Variants in ANKRD36 observed in about 807,000 individuals in gnomAD.
ANKRD36 encodes ankyrin repeat domain 36, also known as ankyrin repeat domain-containing protein 36A.
ANKRD36 carries 179 observed loss-of-function variants against 278.1 expected under a neutral mutation model. That is an observed-to-expected ratio of 0.64 (90% CI 0.57 to 0.73). The LOEUF is 0.73. Ranked by LOEUF, ANKRD36 falls within the 30% of genes least tolerant of loss-of-function variation. The pLI is 0.00. For missense variants in ANKRD36, 1,159 were observed against 1,956.7 expected, an observed-to-expected ratio of 0.59 and a Z score of 7.69; for synonymous variants, 320 against 641.1, an observed-to-expected ratio of 0.50 and a Z score of 7.57.
intron 15 of ANKRD36, among the ~76,000 whole-genome samples, chr2:97,157,144 T>TCTCTCC (rs1233620367): frequency 1.3e-5 from 2 of 151,696 alleles, no homozygotes; most frequent in Non-Finnish European, 2.9e-5. Flanking sequence ...TCTCTCTCTC[T>TCTCTCC]CTCTCTGTTT....
At chr2:97,125,360 C>A (rs2038291275) in intron 5 of ANKRD36, among the ~76,000 whole-genome samples, 1 of 134,846 alleles carries the variant, frequency 7.4e-6, no homozygotes, top group Non-Finnish European at 1.6e-5. Flanking sequence ...GATATTCTAA[C>A]TTTATCAACA....
chr2:97,164,824 G>C (rs1179833886), intron 20 of ANKRD36, among the ~76,000 whole-genome samples: 1 of 150,612 alleles, frequency 6.6e-6, no homozygotes. Context: ...CTAGAGAAAA[G>C]CTATACCTGC....
chr2:97,177,147 A>G (rs1416121497), intron 22 of ANKRD36, among the ~76,000 whole-genome samples: 1 of 151,858 alleles, frequency 6.6e-6, no homozygotes, highest in Non-Finnish European at 1.5e-5. Context: ...TTCAAGGAGA[A>G]CTACAAACCA....
intron 15 of ANKRD36, among the ~76,000 whole-genome samples, chr2:97,156,552 A>C (rs1378920249): frequency 2.2e-5 from 3 of 135,250 alleles, no homozygotes; most frequent in Non-Finnish European, 3.4e-5. Flanking sequence ...ACATGAACTC[A>C]TCATTTTTTA....
chr2:97,221,112 A>AT (rs1327382139), intron 66 of ANKRD36, among the ~76,000 whole-genome samples: 1 of 135,512 alleles, frequency 7.4e-6, no homozygotes, highest in Admixed American at 7.2e-5. Flanking sequence ...TGAACTCATC[A>AT]TTTTTTATGG....
At chr2:97,128,928 C>T (rs1436615788) in intron 6 of ANKRD36, among the ~76,000 whole-genome samples, 1 of 152,084 alleles carries the variant, frequency 6.6e-6, no homozygotes, top group Non-Finnish European at 1.5e-5. Context: ...AAGTAGTCTA[C>T]AGACATGTGC....
intron 68 of ANKRD36, among the ~76,000 whole-genome samples, chr2:97,235,187 A>G (rs1326258207): frequency 2.6e-5 from 4 of 151,690 alleles, no homozygotes; most frequent in East Asian, 2.0e-4. Context: ...CCTTTTGTCT[A>G]TGGAGTGAGG....
In ANKRD36 at chr2:97,152,676, C is replaced by T. The variant is rs1240088487; in HGVS notation, c.1193+142C>T. On this transcript the variant is annotated intron_variant, in intron 14 of 75. Transcript: ENST00000420699. ...TTATCATGTCACACAACTTTAGAAA[C>T]TATTTGTGCTGTTATTGCTTTTTTA... is the stretch of plus-strand genomic sequence containing the variant. The T allele has an allele frequency of 3.2e-5, 25 of 774,584 alleles. 2 individuals carry two copies. Among genetic ancestry groups the T allele is most frequent in the Non-Finnish European group, 4.0e-5 (22 of 544,138 alleles). 48.0% of individuals were successfully genotyped at this position (774,584 alleles called of 1,614,324 possible). A position where few individuals can be genotyped will look rare whatever the true frequency, so the allele number is the denominator to read the frequency against.
rs2061749896 is a variant in ANKRD36 at position 97,202,770 on chromosome 2, ACTT to A, written c.2959+381_2959+383del. Among the ~76,000 whole-genome samples, 5 of 151,858 alleles carry A rather than the reference ACTT, an allele frequency of 3.3e-5. No homozygotes were observed. The South Asian group carries it at 8.4e-4, about 25-fold the overall frequency. On this transcript the variant is annotated intron_variant, in intron 48 of 75. Transcript: ENST00000420699. ...TCGTACTGCTAAAAACAGACAGAAA[ACTT>A]CTTGTAATAACCCGTACACACTGTA...
chr2:97,202,483 G>A, intron 48 of ANKRD36, 90 bp downstream of exon 48: 2 of 1,514,884 alleles, frequency 1.3e-6, no homozygotes. Flanking sequence ...GCTCGTCGAA[G>A]CTGCACTTTC....
In ANKRD36 at chr2:97,190,997, A is replaced by G. The variant is rs746935599; in HGVS notation, c.2265A>G (p.Pro755=). Residue 755 remains proline (P), a synonymous_variant, in exon 35 of 76, where the codon CCA becomes CCG. Transcript: ENST00000420699. Reference sequence around the variant, plus strand: ...TTTCAGTGTCTTCTCAGAAACAACCAGCCTTGAAGGTAATTAAACTCTCAT... The same window carrying G: ...TTTCAGTGTCTTCTCAGAAACAACCGGCCTTGAAGGTAATTAAACTCTCAT... ...KSGTVSSQKQ[P]ALKATTDEKD... is the part of the protein sequence containing the mutation. 3.7e-6 allele frequency: 6 copies of G among 1,605,138 alleles called. 1 individual carries two copies. The highest frequency in any genetic ancestry group is 3.3e-5 in the South Asian group (3 of 90,624).
intron 36 of ANKRD36, 56 bp from the exon 37 acceptor site, chr2:97,192,802 T>C (rs1206728742): frequency 3.2e-5 from 50 of 1,552,010 alleles, no homozygotes; most frequent in Non-Finnish European, 4.1e-5. Context: ...CATGAATGTA[T>C]GGATAACTTT....
intron 11 of ANKRD36, among the ~76,000 whole-genome samples, chr2:97,147,739 TGGAATTTGCA>T (rs1047306073): frequency 1.3e-5 from 2 of 151,836 alleles, no homozygotes; most frequent in African/African-American, 4.8e-5. Flanking sequence ...TGAATAAGAA[TGGAATTTGCA>T]GGGGGCAGCC....
chr2:97,181,599 GTCTTC>G lies in ANKRD36; in HGVS notation c.1740_1744del (p.Ser581GlufsTer5), dbSNP rs1390454891. 1 of 1,603,084 alleles carries G rather than the reference GTCTTC, an allele frequency of 6.2e-7. No individual in the cohort carries two copies. The highest frequency in any genetic ancestry group is 1.3e-5 in the African/African-American group (1 of 74,568). On this transcript the variant is annotated frameshift_variant and splice_region_variant, in exon 25 of 76. Coordinates refer to ENST00000420699, the MANE Select transcript of ANKRD36 (RefSeq NM_001354587.1). LOFTEE classifies it high-confidence loss of function. Reference sequence around the variant, plus strand: ...TTATGTTTCCCTTTTGCTTTTCAGTGTCTTCTCAGAAACAACCAGCTGAGAAGGTA... The same window carrying G: ...TTATGTTTCCCTTTTGCTTTTCAGTGTCAGAAACAACCAGCTGAGAAGGTA...
At chr2:97,207,868 C>A (rs1361839071) in intron 53 of ANKRD36, 29 bp downstream of exon 53, 1 of 1,544,858 alleles carries the variant, frequency 6.5e-7, no homozygotes, top group Non-Finnish European at 8.7e-7. Flanking sequence ...ATATTGTGAA[C>A]TAGTAAATGT....
intron 14 of ANKRD36, among the ~76,000 whole-genome samples, chr2:97,154,201 A>G (rs1301084690): frequency 1.4e-5 from 2 of 141,712 alleles, no homozygotes; most frequent in African/African-American, 5.0e-5. Context: ...CCCATTTTCC[A>G]GTGACACAGA....
intron 48 of ANKRD36, among the ~76,000 whole-genome samples, chr2:97,202,935 A>G (rs1371354171): frequency 6.6e-6 from 1 of 151,760 alleles, no homozygotes; most frequent in Non-Finnish European, 1.5e-5. Context: ...AACTCACTTC[A>G]GATGCATTTG....
At chr2:97,184,255 A>G (rs1207116331) in intron 28 of ANKRD36, among the ~76,000 whole-genome samples, 1 of 151,762 alleles carries the variant, frequency 6.6e-6, no homozygotes, top group Non-Finnish European at 1.5e-5. Flanking sequence ...GACTGCTCCG[A>G]TGACTACTGG....
chr2:97,193,827 G>C (rs1333606775), intron 38 of ANKRD36, among the ~76,000 whole-genome samples: 1 of 151,564 alleles, frequency 6.6e-6, no homozygotes, highest in African/African-American at 2.4e-5. Context: ...GGATAAAAAA[G>C]CTATTTAATG....
Sources: allele counts gnomAD v4.1 joint callset (sites outside exome capture counted in the v4.1 genomes callset), GRCh38; gene constraint gnomAD v4.1.1; transcripts MANE v1.5; gene names NCBI Gene and HGNC (gene_info 2026-07-23, HGNC 2026-07-21).